The following CYP27A1 variants were observed in gnomAD, a reference collection of about 807,000 sequenced individuals.
CYP27A1 encodes cytochrome P450 family 27 subfamily A member 1, also known as sterol 26-hydroxylase, mitochondrial.
Under a neutral mutation model 58.2 loss-of-function variants are expected in CYP27A1, and 46 were observed. The observed-to-expected ratio is 0.79, with a 90% CI of 0.62 to 1.01. The LOEUF is 1.01. Among genes scored for constraint, CYP27A1 ranks in the 50% least tolerant of loss-of-function variants. CYP27A1 has a pLI of 0.00. For synonymous variants in CYP27A1, 274 were observed against 285.1 expected (o/e 0.96, Z 0.39); for missense variants, 704 against 687.0 (o/e 1.02, Z -0.28).
intron 1 of CYP27A1, among the ~76,000 whole-genome samples, chr2:218,788,065 G>A (rs966900065): frequency 1.4e-4 from 22 of 152,364 alleles, no homozygotes; most frequent in African/African-American, 4.6e-4. Flanking sequence ...GATGGAGTGG[G>A]CCTTCAGCTC....
intron 2 of CYP27A1, among the ~76,000 whole-genome samples, chr2:218,811,479 C>A (rs1943714826): frequency 6.6e-6 from 1 of 152,212 alleles, no homozygotes; most frequent in Admixed American, 6.5e-5. Context: ...AGTCCCTGGA[C>A]ATTAATCTTG....
intron 1 of CYP27A1, among the ~76,000 whole-genome samples, chr2:218,790,841 G>T (rs531156119): frequency 2.4e-4 from 36 of 152,086 alleles, no homozygotes; most frequent in Admixed American, 5.9e-4. Context: ...GGGACTACAG[G>T]GGTCCGCCAC....
At chr2:218,798,488 TTAAGG>T (rs1256870542) in intron 1 of CYP27A1, among the ~76,000 whole-genome samples, 1 of 152,220 alleles carries the variant, frequency 6.6e-6, no homozygotes, top group Non-Finnish European at 1.5e-5. Context: ...TCCAGCATAA[TTAAGG>T]GTGTGGTTAA....
At chr2:218,801,023 A>C (rs1430786468) in intron 1 of CYP27A1, among the ~76,000 whole-genome samples, 1 of 152,240 alleles carries the variant, frequency 6.6e-6, no homozygotes, top group Non-Finnish European at 1.5e-5. Flanking sequence ...AGCTTTGATT[A>C]ACATTAATCT....
intron 1 of CYP27A1, among the ~76,000 whole-genome samples, chr2:218,801,410 G>T (rs1943598689): frequency 6.6e-6 from 1 of 152,130 alleles, no homozygotes; most frequent in Non-Finnish European, 1.5e-5. Flanking sequence ...GGAGGCTGAG[G>T]CAGGAGAATC....
intron 5 of CYP27A1, among the ~76,000 whole-genome samples, chr2:218,813,585 C>T (rs767858438): frequency 1.3e-5 from 2 of 152,060 alleles, no homozygotes; most frequent in South Asian, 4.1e-4. Context: ...ACCACCATGC[C>T]CAGCTTTTTT....
chr2:218,796,693 C>G (rs533349792), intron 1 of CYP27A1, among the ~76,000 whole-genome samples: 1 of 152,174 alleles, frequency 6.6e-6, no homozygotes, highest in Non-Finnish European at 1.5e-5. Context: ...GTTTTGTTCA[C>G]GGGCATATAG....
At chr2:218,810,936 A>C (rs895875851) in intron 2 of CYP27A1, among the ~76,000 whole-genome samples, 1 of 152,168 alleles carries the variant, frequency 6.6e-6, no homozygotes, top group Non-Finnish European at 1.5e-5. Context: ...TCATGAGGTC[A>C]GGAGATCAAG....
chr2:218,801,373 G>A (rs1457608342), intron 1 of CYP27A1, among the ~76,000 whole-genome samples: 1 of 152,008 alleles, frequency 6.6e-6, no homozygotes, highest in African/African-American at 2.4e-5. Flanking sequence ...AGGCATGATG[G>A]TGCACACCTG....
intron 1 of CYP27A1, among the ~76,000 whole-genome samples, chr2:218,783,257 C>CAAAAAAAAAAAAAAAA (rs371442397): frequency 1.5e-4 from 12 of 79,438 alleles, no homozygotes; most frequent in Middle Eastern, 6.7e-3. Flanking sequence ...AACTCTGTCT[C>CAAAAAAAAAAAAAAAA]AAAAAAAAAA....
chr2:218,807,125 AATTTTTTGT>A (rs1678800094), intron 1 of CYP27A1, among the ~76,000 whole-genome samples: 1 of 151,102 alleles, frequency 6.6e-6, no homozygotes, highest in Admixed American at 6.6e-5. Context: ...ATGCCCAGCT[AATTTTTTGT>A]ATTTTTAGTA....
chr2:218,793,864 C>A (rs538411304), intron 1 of CYP27A1, among the ~76,000 whole-genome samples: 41 of 152,206 alleles, frequency 2.7e-4, no homozygotes, highest in African/African-American at 9.6e-4. Flanking sequence ...TAGGTATGCG[C>A]CACCATGCTT....
chr2:218,813,951 C>T lies in CYP27A1; in HGVS notation c.1018-70C>T. On this transcript the variant is annotated intron_variant, in intron 5 of 8. Coordinates refer to ENST00000258415, the MANE Select transcript of CYP27A1 (RefSeq NM_000784.4). ...CTCCCACATTTTGCATACACCCACT[C>T]ATACACCCTCCCATTACTGGCCTCT... The T allele has an allele frequency of 5.1e-6, 8 of 1,566,584 alleles. No homozygotes were observed. In the South Asian group the frequency reaches 7.8e-5, roughly 15 times the overall value.
At position 218,814,466 on chromosome 2, in the gene CYP27A1, G is replaced by C. The variant is rs1943764967; in HGVS notation, c.1263+8G>C. The stretch of plus-strand genomic sequence containing the variant: ...TTCCTCTTCCCCAAGAACGTGAGTG[G>C]GGCTAGAGAGCCCGATTGCCCAGGA... On this transcript the variant is annotated splice_region_variant and intron_variant, in intron 7 of 8. Coordinates refer to ENST00000258415, the MANE Select transcript of CYP27A1 (RefSeq NM_000784.4). 6.2e-7 allele frequency: 1 copy of C among 1,614,178 alleles called. No homozygotes were observed. Among genetic ancestry groups the C allele is most frequent in the Non-Finnish European group, 8.5e-7 (1 of 1,179,988 alleles).
chr2:218,785,373 C>T (rs959391824), intron 1 of CYP27A1, among the ~76,000 whole-genome samples: 1 of 152,128 alleles, frequency 6.6e-6, no homozygotes, highest in Non-Finnish European at 1.5e-5. Flanking sequence ...CCTAACAGGT[C>T]ACAGACTAGT....
rs1943404373 is a variant in CYP27A1 at position 218,782,673 on chromosome 2, G to A, written c.255+236G>A. Among the ~76,000 whole-genome samples, 1 of 152,166 alleles carries A rather than the reference G, an allele frequency of 6.6e-6. No homozygotes were observed. Among genetic ancestry groups the A allele is most frequent in the African/African-American group, 2.4e-5 (1 of 41,444 alleles). On this transcript the variant is annotated intron_variant, in intron 1 of 8. Coordinates refer to ENST00000258415, the MANE Select transcript of CYP27A1 (RefSeq NM_000784.4). The surrounding 1 kb of genome is among the most constrained non-coding windows in gnomAD (Gnocchi z 4.1). ...TTAAATCAGGACGGCACCAGTAAGG[G>A]GGGGATCTGGACGCCGGACTTACAG...
intron 1 of CYP27A1, chr2:218,806,057 T>C (rs148261979): frequency 3.4e-4 from 52 of 152,338 alleles, no homozygotes; most frequent in African/African-American, 1.2e-3. Flanking sequence ...TAACTTTTTT[T>C]CTGCTGATTC....
chr2:218,792,398 A>G (rs1442963636), intron 1 of CYP27A1, among the ~76,000 whole-genome samples: 4 of 152,162 alleles, frequency 2.6e-5, no homozygotes, highest in Non-Finnish European at 5.9e-5. Flanking sequence ...TTGGTATTTA[A>G]TTAATTTTTG....
At chr2:218,809,486 G>GTTTTT in intron 1 of CYP27A1, 91 bp from the exon 2 acceptor site, 1 of 384,790 alleles carries the variant, frequency 2.6e-6, no homozygotes, top group Non-Finnish European at 4.8e-6. Context: ...TTGCTCTTGT[G>GTTTTT]TAGCCATCAG....
Sources: gnomAD v4.1 joint callset for allele counts (sites outside exome capture counted in the v4.1 genomes callset) on GRCh38, gnomAD v4.1.1 for gene constraint, Gnocchi (gnomAD v3.1) non-coding constraint, MANE v1.5 for transcripts, NCBI Gene and HGNC (gene_info 2026-07-23, HGNC 2026-07-21) for gene names.